The following EXOC6B variants were observed in gnomAD, a reference collection of about 807,000 sequenced individuals.
EXOC6B encodes SEC15 homolog B.
In EXOC6B, 54 loss-of-function variants were observed where a neutral mutation model predicts 113.5. The ratio of observed to expected loss-of-function variants is 0.48; its 90% CI spans 0.38 to 0.60. The LOEUF (loss-of-function observed/expected upper bound fraction) is 0.60, where lower values mean the gene tolerates loss of function less well. EXOC6B is among the 20% of genes least tolerant of loss of function. The pLI is 0.00. For synonymous variants in EXOC6B, 357 were observed against 339.0 expected, an observed-to-expected ratio of 1.05 and a Z score of -0.58; for missense variants, 797 against 977.5, an observed-to-expected ratio of 0.82 and a Z score of 2.46.
intron 18 of EXOC6B, among the ~76,000 whole-genome samples, chr2:72,413,043 C>T (rs937600089): frequency 2.0e-4 from 30 of 152,082 alleles, no homozygotes; most frequent in African/African-American, 7.2e-4. Context: ...ACTGCAGGCT[C>T]CGCCTCCCGG....
intron 18 of EXOC6B, among the ~76,000 whole-genome samples, chr2:72,398,018 G>C (rs1218032493): frequency 6.6e-6 from 1 of 152,196 alleles, no homozygotes. Flanking sequence ...GTGTCAAATT[G>C]ATTGAGCCAC....
intron 8 of EXOC6B, among the ~76,000 whole-genome samples, chr2:72,537,894 T>G (rs1184872555): frequency 4.6e-5 from 7 of 151,866 alleles, no homozygotes; most frequent in African/African-American, 1.7e-4. Context: ...CAAAGAAGAT[T>G]AAAAGAGGGC....
intron 20 of EXOC6B, among the ~76,000 whole-genome samples, chr2:72,306,618 C>G (rs1427874399): frequency 6.6e-6 from 1 of 152,076 alleles, no homozygotes; most frequent in African/African-American, 2.4e-5. Flanking sequence ...TTCTCTTTTA[C>G]CCTCTTTAAG....
chr2:72,695,108 G>A (rs765043232), intron 6 of EXOC6B, among the ~76,000 whole-genome samples: 7 of 152,184 alleles, frequency 4.6e-5, no homozygotes, highest in East Asian at 1.9e-4. Context: ...GGGTCAAAGC[G>A]GGAAAGACGG....
At chr2:72,373,064 C>CTTTT (rs79852175) in intron 19 of EXOC6B, among the ~76,000 whole-genome samples, 2 of 136,394 alleles carry the variant, frequency 1.5e-5, no homozygotes, top group Non-Finnish European at 3.2e-5. Context: ...TCTCGGAAGA[C>CTTTT]TTTTTTTTTT....
At chr2:72,521,161 C>A (rs1701464680) in intron 8 of EXOC6B, among the ~76,000 whole-genome samples, 1 of 152,064 alleles carries the variant, frequency 6.6e-6, no homozygotes, top group African/African-American at 2.4e-5. Flanking sequence ...TGGGTTTGCA[C>A]CCTCCCATCT....
intron 20 of EXOC6B, among the ~76,000 whole-genome samples, chr2:72,189,482 T>A (rs552165175): frequency 9.9e-5 from 15 of 152,212 alleles, no homozygotes; most frequent in Non-Finnish European, 2.1e-4. Flanking sequence ...TCTTCCAACA[T>A]CTGGTTATTA....
intron 11 of EXOC6B, among the ~76,000 whole-genome samples, chr2:72,512,367 AGAAGGAAGGAAG>A (rs1281809681): frequency 0.015 from 201 of 13,616 alleles, 3 homozygotes; most frequent in African/African-American, 0.026. Flanking sequence ...AAGGAAGGAA[AGAAGGAAGGAAG>A]GAAGGAAGGA....
intron 6 of EXOC6B, among the ~76,000 whole-genome samples, chr2:72,657,240 T>TG (rs1006926314): frequency 6.7e-6 from 1 of 150,086 alleles, no homozygotes; most frequent in Non-Finnish European, 1.5e-5. Context: ...TTTTTTTTTT[T>TG]TTTGAGATGG....
At chr2:72,713,743 A>T (rs1195429906) in intron 6 of EXOC6B, among the ~76,000 whole-genome samples, 6 of 152,216 alleles carry the variant, frequency 3.9e-5, no homozygotes, top group African/African-American at 1.4e-4. Flanking sequence ...TTAGTAAATT[A>T]GAAGGCAAAC....
intron 20 of EXOC6B, among the ~76,000 whole-genome samples, chr2:72,199,187 C>G (rs1224355799): frequency 6.6e-6 from 1 of 152,076 alleles, no homozygotes; most frequent in Non-Finnish European, 1.5e-5. Context: ...GAGCCACACA[C>G]CACGGAAGAT....
chr2:72,670,134 T>C (rs1204078269), intron 6 of EXOC6B, among the ~76,000 whole-genome samples: 1 of 152,132 alleles, frequency 6.6e-6, no homozygotes, highest in African/African-American at 2.4e-5. Flanking sequence ...CTGGAATGAG[T>C]TTGTACTTTA....
chr2:72,493,501 G>A (rs1352172057), intron 15 of EXOC6B, among the ~76,000 whole-genome samples: 1 of 151,776 alleles, frequency 6.6e-6, no homozygotes, highest in Non-Finnish European at 1.5e-5. Context: ...ATTACTATGT[G>A]GTAGAGTTTT....
intron 19 of EXOC6B, among the ~76,000 whole-genome samples, chr2:72,355,728 G>A (rs535147247): frequency 6.6e-4 from 101 of 152,316 alleles, no homozygotes; most frequent in African/African-American, 2.3e-3. Flanking sequence ...TCAGAAGGAT[G>A]AGGCTAAGGA....
In EXOC6B at chr2:72,566,015, T is replaced by A. The variant is rs558206364; in HGVS notation, c.847-6494A>T. On this transcript the variant is annotated intron_variant, in intron 7 of 21. Coordinates refer to ENST00000272427, the MANE Select transcript of EXOC6B (RefSeq NM_015189.3). Reference sequence around the variant, plus strand: ...AATAGTTCTCAGGTTTTGTTTTGTTTTTTTTTTTAAGTTTTAAAGTGTTTT... The same window carrying A: ...AATAGTTCTCAGGTTTTGTTTTGTTATTTTTTTTAAGTTTTAAAGTGTTTT... Among the ~76,000 whole-genome samples the A allele has an allele frequency of 7.2e-5, 11 of 152,200 alleles. No individual in the cohort carries two copies. In the East Asian group the frequency reaches 2.1e-3, roughly 29 times the overall value.
At chr2:72,777,090 A>G (rs1190058002) in intron 1 of EXOC6B, among the ~76,000 whole-genome samples, 1 of 152,040 alleles carries the variant, frequency 6.6e-6, no homozygotes, top group Non-Finnish European at 1.5e-5. Context: ...AAAATACAAA[A>G]ATCAGCCAGG....
chr2:72,243,367 G>C (rs964427641), intron 20 of EXOC6B, among the ~76,000 whole-genome samples: 1 of 152,256 alleles, frequency 6.6e-6, no homozygotes, highest in South Asian at 2.1e-4. Context: ...TGATAGACTG[G>C]ATTAAGAAAA....
rs1169382080 is a variant in EXOC6B at position 72,551,298 on chromosome 2, A to C, written c.915+8155T>G. 1.1e-3 allele frequency among the ~76,000 whole-genome samples: 147 copies of C among 133,510 alleles called. No homozygotes were observed. The Middle Eastern group carries it at 0.032, about 29-fold the overall frequency. 87.6% of individuals were successfully genotyped at this position (133,510 alleles called of 152,430 possible). On this transcript the variant is annotated intron_variant, in intron 8 of 21. Coordinates refer to ENST00000272427, the MANE Select transcript of EXOC6B (RefSeq NM_015189.3). ...CTGCAACCTCCGCATCCCGGGTTCAAGCGATTCTCCTGCCTCAGCCTCCCA... is the reference window on the plus strand; with the variant it reads ...CTGCAACCTCCGCATCCCGGGTTCACGCGATTCTCCTGCCTCAGCCTCCCA...
intron 19 of EXOC6B, among the ~76,000 whole-genome samples, chr2:72,357,703 A>G (rs1459785938): frequency 1.3e-5 from 2 of 149,334 alleles, no homozygotes; most frequent in Non-Finnish European, 3.0e-5. Context: ...AAAAAAAAAG[A>G]TGATAATGGA....
Sources: allele counts gnomAD v4.1 joint callset (sites outside exome capture counted in the v4.1 genomes callset), GRCh38; gene constraint gnomAD v4.1.1; transcripts MANE v1.5; gene names NCBI Gene and HGNC (gene_info 2026-07-23, HGNC 2026-07-21).